The following BAAT variants were observed in gnomAD, a reference collection of about 807,000 sequenced individuals.
BAAT encodes the protein bile acid CoA: amino acid N-acyltransferase (glycine N-choloyltransferase).
Under a neutral mutation model 18.9 loss-of-function variants are expected in BAAT, and 13 were observed. That is an observed-to-expected ratio of 0.69 (90% CI 0.45 to 1.10). BAAT has a LOEUF of 1.10. Among genes scored for constraint, BAAT ranks in the 50% least tolerant of loss-of-function variants. BAAT has a pLI of 0.00. For missense variants in BAAT, 489 were observed against 504.0 expected, an observed-to-expected ratio of 0.97 and a Z score of 0.28; for synonymous variants, 170 against 190.7, an observed-to-expected ratio of 0.89 and a Z score of 0.89.
chr9:101,379,327 A>G (rs1194694121), intron 1 of BAAT, among the ~76,000 whole-genome samples: 1 of 152,196 alleles, frequency 6.6e-6, no homozygotes, highest in East Asian at 1.9e-4. Context: ...ATGCCCAGGA[A>G]CCTCCAGTTA....
At chr9:101,364,297 T>G (rs928106832) in intron 3 of BAAT, among the ~76,000 whole-genome samples, 7 of 152,214 alleles carry the variant, frequency 4.6e-5, no homozygotes, top group Non-Finnish European at 8.8e-5. Context: ...AGCCTATGTT[T>G]ATGATCATTC....
intron 2 of BAAT, among the ~76,000 whole-genome samples, chr9:101,368,951 A>G (rs1829879452): frequency 6.6e-6 from 1 of 152,194 alleles, no homozygotes; most frequent in African/African-American, 2.4e-5. Context: ...CATTCATTTG[A>G]CTATACAGTG....
chr9:101,363,117 C>A, intron 3 of BAAT, 102 bp from the exon 4 acceptor site: 1 of 1,128,972 alleles, frequency 8.9e-7, no homozygotes, highest in South Asian at 1.3e-5. Flanking sequence ...GAGAACAAAG[C>A]AAGTATTAAT....
rs201382376 is a variant in BAAT at position 101,360,691 on chromosome 9, AC to A, written c.*1736del. On this transcript the variant is annotated 3_prime_UTR_variant, in exon 4 of 4. Coordinates refer to ENST00000259407, the MANE Select transcript of BAAT (RefSeq NM_001701.4). Reference sequence around the variant, plus strand: ...GGACAGTACCAAGCCATGAGGGTCCACCCCCATGACCCAAACAACTCCCACC... The same window carrying A: ...GGACAGTACCAAGCCATGAGGGTCCACCCCATGACCCAAACAACTCCCACC... 789 of 152,704 alleles carry A rather than the reference AC, an allele frequency of 5.2e-3. 1 individual carries two copies. The highest frequency in any genetic ancestry group is 9.0e-3 in the Non-Finnish European group (611 of 68,064). 9.5% of individuals were successfully genotyped at this position (152,704 alleles called of 1,614,324 possible).
rs1245965015 is a variant in BAAT, at chr9:101,371,446, T to C, written c.-42A>G. Reference sequence around the variant, plus strand: ...CTGGGATGATTCTTCAGGAATATCTTCAGCAAAACCTCAAAACCTCAAAAA... The same window carrying C: ...CTGGGATGATTCTTCAGGAATATCTCCAGCAAAACCTCAAAACCTCAAAAA... On this transcript the variant is annotated 5_prime_UTR_variant, in exon 2 of 4. Coordinates refer to ENST00000259407, the MANE Select transcript of BAAT (RefSeq NM_001701.4). The C allele has an allele frequency of 1.3e-6, 2 of 1,567,410 alleles. No homozygotes were observed.
At position 101,368,278 on chromosome 9, in the gene BAAT, C is replaced by A. The variant is rs886042900; in HGVS notation, c.511G>T (p.Gly171Cys). ...CTGGCCCGAAATTCAAGCAGCCCAC[C>A]CAAACCACCAAACAAATCAATTACC... ...PGVIDLFGGL[G>C]GLLEFRASLL... Residue 171 changes from glycine (G) to cysteine (C), a missense_variant, in exon 3 of 4, where the codon GGT becomes TGT. Transcript: ENST00000259407. 1 of 1,613,152 alleles carries A rather than the reference C, an allele frequency of 6.2e-7. No homozygotes were observed. The highest frequency in any genetic ancestry group is 8.5e-7 in the Non-Finnish European group (1 of 1,179,988).
chr9:101,362,980 A>T lies in BAAT; in HGVS notation c.705T>A (p.Cys235Ter), dbSNP rs755951969. ...TAGATAGTCCAATCTGTACTCCTTG[A>T]CATACAGAGACTACCCCAACGCCTG... Reference protein sequence around the residue: ...FGSGVGVVSVCQGVQIGLSMA... With the variant: ...FGSGVGVVSV The change falls in exon 4 of 4, where the codon TGT (cysteine) becomes TGA (stop). Residue 235 changes from cysteine (C) to a stop codon, truncating the protein, a stop_gained. Coordinates refer to ENST00000259407, the MANE Select transcript of BAAT (RefSeq NM_001701.4). LOFTEE classifies it low-confidence loss of function (END_TRUNC). 1 of 1,614,090 alleles carries T rather than the reference A, an allele frequency of 6.2e-7. No individual in the cohort carries two copies. The highest frequency in any genetic ancestry group is 8.5e-7 in the Non-Finnish European group (1 of 1,179,986).
intron 1 of BAAT, among the ~76,000 whole-genome samples, chr9:101,379,505 C>T (rs1328463360): frequency 6.6e-6 from 1 of 152,198 alleles, no homozygotes; most frequent in Non-Finnish European, 1.5e-5. Context: ...ACTATTCTTG[C>T]TGCACTTTAT....
chr9:101,378,120 A>G (rs1830076296), intron 1 of BAAT, among the ~76,000 whole-genome samples: 1 of 152,204 alleles, frequency 6.6e-6, no homozygotes, highest in Admixed American at 6.5e-5. Context: ...AAACAAATGG[A>G]AAAATAATTC....
At chr9:101,368,424 G>T (rs1829872456) in intron 2 of BAAT, 102 bp from the exon 3 acceptor site, 3 of 1,029,642 alleles carry the variant, frequency 2.9e-6, no homozygotes, top group South Asian at 1.7e-5. Context: ...GATAATAAAA[G>T]ATAAAATAAA....
chr9:101,362,094 T>C lies in BAAT; in HGVS notation c.*334A>G. The C allele has an allele frequency of 2.6e-6, 1 of 383,212 alleles. No individual in the cohort carries two copies. The highest frequency in any genetic ancestry group is 4.8e-6 in the Non-Finnish European group (1 of 210,090). 23.7% of individuals were successfully genotyped at this position (383,212 alleles called of 1,614,324 possible). On this transcript the variant is annotated 3_prime_UTR_variant, in exon 4 of 4. Transcript: ENST00000259407. ...TGTTTTCTGACATGGTATTTGGTTT[T>C]ATATCTGTTACTTTGGTGCTATTCT...
intron 3 of BAAT, among the ~76,000 whole-genome samples, chr9:101,363,593 G>A (rs554898341): frequency 4.0e-5 from 6 of 151,850 alleles, no homozygotes; most frequent in African/African-American, 1.4e-4. Flanking sequence ...AGAGAGAAAA[G>A]GAACAATCTC....
chr9:101,362,280 T>G lies in BAAT; in HGVS notation c.*148A>C. 1.2e-6 allele frequency: 1 copy of G among 813,914 alleles called. No homozygotes were observed. Among genetic ancestry groups the G allele is most frequent in the Non-Finnish European group, 2.0e-6 (1 of 512,712 alleles). 50.4% of individuals were successfully genotyped at this position (813,914 alleles called of 1,614,324 possible). Reference sequence around the variant, plus strand: ...CTTGTTATGCAGTATAAGTGAAATATCAGGTTTTTACCCTATGCTCTTTTT... The same window carrying G: ...CTTGTTATGCAGTATAAGTGAAATAGCAGGTTTTTACCCTATGCTCTTTTT... On this transcript the variant is annotated 3_prime_UTR_variant, in exon 4 of 4. Coordinates refer to ENST00000259407, the MANE Select transcript of BAAT (RefSeq NM_001701.4).
At chr9:101,364,638 A>G (rs1165413576) in intron 3 of BAAT, among the ~76,000 whole-genome samples, 4 of 152,208 alleles carry the variant, frequency 2.6e-5, no homozygotes, top group Non-Finnish European at 4.4e-5. Context: ...ACCACAAGTC[A>G]TTCTTCATTA....
chr9:101,381,315 A>G (rs1830128950), intron 1 of BAAT, among the ~76,000 whole-genome samples: 1 of 151,906 alleles, frequency 6.6e-6, no homozygotes, highest in Non-Finnish European at 1.5e-5. Context: ...TGATCCCAGG[A>G]GGTTGAGACC....
In BAAT at chr9:101,371,005, C is replaced by T. The variant is rs1829929231; in HGVS notation, c.400G>A (p.Ala134Thr). ...ACCTTAATTCGTGTGACACCAGGTG[C>T]CACATACCACCTCTCCAAAGTCAGG... ...ASLTLERWYV[A>T]PGVTRIKVRE... is the part of the protein sequence containing the mutation. Residue 134 changes from alanine to threonine, a missense_variant, in exon 2 of 4, where the codon GCA becomes ACA. Physicochemically the swap from Ala to Thr is moderately conservative, Grantham distance 58. Coordinates refer to ENST00000259407, the MANE Select transcript of BAAT (RefSeq NM_001701.4). 6.8e-6 allele frequency: 11 copies of T among 1,614,128 alleles called. No homozygotes were observed. In the South Asian group the frequency reaches 1.2e-4, roughly 18 times the overall value.
chr9:101,369,149 C>T (rs1829882659), intron 2 of BAAT, among the ~76,000 whole-genome samples: 1 of 152,124 alleles, frequency 6.6e-6, no homozygotes, highest in Non-Finnish European at 1.5e-5. Flanking sequence ...ACTTACGATG[C>T]ACTTATTAGG....
At chr9:101,373,038 T>C (rs769194626) in intron 1 of BAAT, among the ~76,000 whole-genome samples, 2 of 152,106 alleles carry the variant, frequency 1.3e-5, no homozygotes, top group Non-Finnish European at 2.9e-5. Flanking sequence ...TGCCTTTCAA[T>C]GAATGGGGTC....
chr9:101,372,543 A>T (rs941979228), intron 1 of BAAT, among the ~76,000 whole-genome samples: 7 of 151,844 alleles, frequency 4.6e-5, no homozygotes, highest in African/African-American at 1.5e-4. Flanking sequence ...GTGTGAAGAA[A>T]GCCACAAGAG....
Sources: allele counts gnomAD v4.1 joint callset (sites outside exome capture counted in the v4.1 genomes callset), GRCh38; gene constraint gnomAD v4.1.1; transcripts MANE v1.5; gene names NCBI Gene and HGNC (gene_info 2026-07-23, HGNC 2026-07-21).